The following CDH12 variants were observed in gnomAD, a reference collection of about 807,000 sequenced individuals.
CDH12 encodes the protein cadherin 12.
In CDH12, 41 loss-of-function variants were observed where a neutral mutation model predicts 74.1. The observed-to-expected ratio is 0.55, with a 90% CI of 0.43 to 0.72. The LOEUF is 0.72. Ranked by LOEUF, CDH12 falls within the 30% of genes least tolerant of loss-of-function variation. CDH12 has a pLI of 0.00. For synonymous variants in CDH12, 399 were observed against 355.0 expected (o/e 1.12, Z -1.39); for missense variants, 945 against 977.2 (o/e 0.97, Z 0.44).
At chr5:22,516,384 A>C (rs902902532) in intron 1 of CDH12, among the ~76,000 whole-genome samples, 2 of 152,228 alleles carry the variant, frequency 1.3e-5, no homozygotes, top group African/African-American at 4.8e-5. Flanking sequence ...AGTAAAATAA[A>C]ATTATGAAAA....
intron 1 of CDH12, among the ~76,000 whole-genome samples, chr5:22,762,583 C>A (rs370901258): frequency 1.4e-4 from 22 of 151,944 alleles, no homozygotes; most frequent in African/African-American, 4.8e-4. Flanking sequence ...AAACTGTGAT[C>A]AGACCAATTG....
intron 3 of CDH12, among the ~76,000 whole-genome samples, chr5:22,240,823 C>G (rs959907173): frequency 6.6e-6 from 1 of 152,110 alleles, no homozygotes; most frequent in Non-Finnish European, 1.5e-5. Context: ...CGTGAGCCAC[C>G]GCCGCACCTG....
intron 4 of CDH12, among the ~76,000 whole-genome samples, chr5:22,079,079 A>G (rs566839675): frequency 6.6e-6 from 1 of 152,322 alleles, no homozygotes; most frequent in Admixed American, 6.5e-5. Flanking sequence ...AATGAAGCAA[A>G]AGGTGCATTA....
chr5:22,329,271 G>T (rs184800801), intron 3 of CDH12, among the ~76,000 whole-genome samples: 2 of 152,272 alleles, frequency 1.3e-5, no homozygotes, highest in Admixed American at 6.5e-5. Context: ...AGGATTCACA[G>T]AGAAGCTGAA....
chr5:22,112,162 A>G (rs1744853310), intron 4 of CDH12, among the ~76,000 whole-genome samples: 1 of 152,094 alleles, frequency 6.6e-6, no homozygotes, highest in Non-Finnish European at 1.5e-5. Context: ...TGTAATTGAA[A>G]AAAAACACTT....
At chr5:22,524,831 T>C (rs1205776774) in intron 1 of CDH12, among the ~76,000 whole-genome samples, 1 of 152,058 alleles carries the variant, frequency 6.6e-6, no homozygotes, top group Non-Finnish European at 1.5e-5. Flanking sequence ...TTTATTATAC[T>C]TTAAGTTTTA....
chr5:21,915,891 G>C (rs542275653), intron 6 of CDH12, among the ~76,000 whole-genome samples: 1 of 148,544 alleles, frequency 6.7e-6, no homozygotes, highest in Non-Finnish European at 1.5e-5. Flanking sequence ...AACAATATAA[G>C]GGTTAGGAAA....
chr5:22,607,217 C>T (rs896530217), intron 1 of CDH12, among the ~76,000 whole-genome samples: 7 of 152,238 alleles, frequency 4.6e-5, no homozygotes, highest in African/African-American at 1.7e-4. Flanking sequence ...CAGAAATTTG[C>T]ATAAGTAATG....
chr5:22,062,769 A>C (rs1448890019), intron 5 of CDH12, among the ~76,000 whole-genome samples: 2 of 152,162 alleles, frequency 1.3e-5, no homozygotes, highest in South Asian at 4.1e-4. Context: ...TTAAAATAAG[A>C]GTGTTCCCAT....
At chr5:21,850,555 GC>G (rs1208707907) in intron 7 of CDH12, among the ~76,000 whole-genome samples, 1 of 151,462 alleles carries the variant, frequency 6.6e-6, no homozygotes, top group Admixed American at 6.6e-5. Flanking sequence ...TTAATATGAA[GC>G]TTTTATAACA....
intron 3 of CDH12, among the ~76,000 whole-genome samples, chr5:22,367,381 T>C (rs1422299727): frequency 6.6e-6 from 1 of 152,256 alleles, no homozygotes; most frequent in East Asian, 1.9e-4. Context: ...ATGAGATTTT[T>C]ACAAATTTGC....
rs574607632 is a variant in CDH12, at chr5:22,679,380, T to C, written c.-523+173678A>G. On this transcript the variant is annotated intron_variant, in intron 1 of 14. Coordinates refer to ENST00000382254, the MANE Select transcript of CDH12 (RefSeq NM_004061.5). ...TTTCTTCCTCTAAAGAGGATGCATT[T>C]TGAAGAAACTTAGTGTTCTTTCACT... is the stretch of plus-strand genomic sequence containing the variant. 3.3e-5 allele frequency among the ~76,000 whole-genome samples: 5 copies of C among 152,252 alleles called. No individual in the cohort carries two copies. In the South Asian group the frequency reaches 1.0e-3, roughly 32 times the overall value.
intron 3 of CDH12, among the ~76,000 whole-genome samples, chr5:22,326,023 G>A (rs2150441015): frequency 6.6e-6 from 1 of 152,288 alleles, no homozygotes; most frequent in Middle Eastern, 3.4e-3. Context: ...AAAAGGAAAT[G>A]GGCATAAATA....
intron 4 of CDH12, among the ~76,000 whole-genome samples, chr5:22,079,126 A>G (rs1326156977): frequency 6.6e-6 from 1 of 152,222 alleles, no homozygotes; most frequent in Non-Finnish European, 1.5e-5. Flanking sequence ...TTGGCAAATC[A>G]TTTTAAGGAG....
intron 3 of CDH12, among the ~76,000 whole-genome samples, chr5:22,244,798 AAG>A (rs370110285): frequency 0.011 from 686 of 59,778 alleles, 2 homozygotes; most frequent in Non-Finnish European, 0.028. Flanking sequence ...GAAAGAAAGA[AAG>A]AAAAATTCAA....
chr5:21,808,076 G>T (rs1309634780), intron 9 of CDH12, among the ~76,000 whole-genome samples: 1 of 152,024 alleles, frequency 6.6e-6, no homozygotes, highest in Non-Finnish European at 1.5e-5. Context: ...TTTGGCGAGA[G>T]CTAACAACAT....
chr5:22,711,841 T>C (rs1157789793), intron 1 of CDH12, among the ~76,000 whole-genome samples: 1 of 152,062 alleles, frequency 6.6e-6, no homozygotes, highest in Non-Finnish European at 1.5e-5. Flanking sequence ...ATAACTTTGT[T>C]CTCTCTGAAA....
At chr5:21,924,424 G>A (rs1391059425) in intron 6 of CDH12, among the ~76,000 whole-genome samples, 1 of 152,126 alleles carries the variant, frequency 6.6e-6, no homozygotes, top group African/African-American at 2.4e-5. Context: ...GCTGAGGCAG[G>A]AGAATCGCCT....
At chr5:22,500,802 T>A (rs959959944) in intron 2 of CDH12, among the ~76,000 whole-genome samples, 1 of 152,310 alleles carries the variant, frequency 6.6e-6, no homozygotes, top group East Asian at 1.9e-4. Context: ...CCAGAGCATC[T>A]ACAACTGTGT....
Sources: gnomAD v4.1 joint callset for allele counts (sites outside exome capture counted in the v4.1 genomes callset) on GRCh38, gnomAD v4.1.1 for gene constraint, MANE v1.5 for transcripts, NCBI Gene and HGNC (gene_info 2026-07-23, HGNC 2026-07-21) for gene names.